PCDHA4: variants seen among roughly 807,000 people sequenced by gnomAD.
The protein encoded by PCDHA4 is protocadherin alpha-4.
PCDHA4 carries 49 observed loss-of-function variants against 61.4 expected under a neutral mutation model. The ratio of observed to expected loss-of-function variants is 0.80; its 90% CI spans 0.63 to 1.01. The LOEUF (loss-of-function observed/expected upper bound fraction) is 1.01. Ranked by LOEUF, PCDHA4 falls within the 50% of genes least tolerant of loss-of-function variation. PCDHA4 has a pLI of 0.00. For synonymous variants in PCDHA4, 590 were observed against 550.3 expected, an observed-to-expected ratio of 1.07 and a Z score of -1.01; for missense variants, 1,254 against 1,235.8, an observed-to-expected ratio of 1.01 and a Z score of -0.22.
At position 140,883,880 on chromosome 5, in the gene PCDHA4, C is replaced by T. The variant is rs782301944; in HGVS notation, c.2385+74308C>T. The stretch of plus-strand genomic sequence containing the variant: ...GCTGTTGCAGTTCCAGGTGAGCGCG[C>T]GCGACTCTGGCGTGCCGCCTCTGGG... On this transcript the variant is annotated intron_variant, in intron 1 of 3. Transcript: ENST00000530339. 20 of 1,613,304 alleles carry T rather than the reference C, an allele frequency of 1.2e-5. No homozygotes were observed. The Middle Eastern group carries it at 6.9e-4, about 56-fold the overall frequency.
At chr5:141,008,367 G>A (rs2098373101) in intron 3 of PCDHA4, among the ~76,000 whole-genome samples, 1 of 152,144 alleles carries the variant, frequency 6.6e-6, no homozygotes, top group African/African-American at 2.4e-5. Flanking sequence ...AAGGAGCAGT[G>A]TTAGATACAT....
intron 1 of PCDHA4, among the ~76,000 whole-genome samples, chr5:140,945,282 T>C (rs1554216856): frequency 6.6e-6 from 1 of 152,062 alleles, no homozygotes; most frequent in African/African-American, 2.4e-5. Context: ...TTTAAAACAT[T>C]GATGAAAGAA....
chr5:140,926,797 T>C (rs2153584735), intron 1 of PCDHA4: 2 of 1,450,476 alleles, frequency 1.4e-6, no homozygotes, highest in Admixed American at 2.7e-5. Flanking sequence ...AGGAGCGTGC[T>C]CTTCCCCGCG....
chr5:140,921,017 T>C (rs2153559418), intron 1 of PCDHA4, among the ~76,000 whole-genome samples: 1 of 152,192 alleles, frequency 6.6e-6, no homozygotes, highest in African/African-American at 2.4e-5. Context: ...TCTTGCTATG[T>C]TTTCTAGACT....
chr5:140,821,896 G>C, intron 1 of PCDHA4: 5 of 1,614,236 alleles, frequency 3.1e-6, no homozygotes, highest in Non-Finnish European at 4.2e-6. Context: ...AGCCAAACAC[G>C]GAACCTTCGT....
At chr5:140,858,581 T>C in intron 1 of PCDHA4, 1 of 1,350,098 alleles carries the variant, frequency 7.4e-7, no homozygotes, top group South Asian at 1.4e-5. Context: ...CTTTGTAATA[T>C]AATTTATTCC....
intron 1 of PCDHA4, among the ~76,000 whole-genome samples, chr5:140,889,560 T>C (rs2062271183): frequency 6.6e-6 from 1 of 152,204 alleles, no homozygotes. Context: ...TCTTCAGAAT[T>C]CTGCTTTCTG....
chr5:140,849,289 A>G, intron 1 of PCDHA4: 1 of 1,220,472 alleles, frequency 8.2e-7, no homozygotes, highest in Non-Finnish European at 1.1e-6. Context: ...ATTCACCCCA[A>G]TGCCTCAGAT....
chr5:140,917,491 C>G (rs2078223929), intron 1 of PCDHA4, among the ~76,000 whole-genome samples: 1 of 152,172 alleles, frequency 6.6e-6, no homozygotes, highest in Non-Finnish European at 1.5e-5. Flanking sequence ...GGGCCTATGC[C>G]CAGAATGATA....
chr5:140,951,583 C>T (rs939168963), intron 1 of PCDHA4, among the ~76,000 whole-genome samples: 3 of 152,034 alleles, frequency 2.0e-5, no homozygotes, highest in Non-Finnish European at 4.4e-5. Flanking sequence ...CCAGATTTCA[C>T]GAGATCTCTC....
At chr5:140,958,192 C>G (rs1554223363) in intron 1 of PCDHA4, among the ~76,000 whole-genome samples, 1 of 151,790 alleles carries the variant, frequency 6.6e-6, no homozygotes, top group Non-Finnish European at 1.5e-5. Context: ...TGTTACTGGT[C>G]TAGTATACAA....
At chr5:140,979,779 G>C (rs778402540) in intron 2 of PCDHA4, among the ~76,000 whole-genome samples, 1 of 152,186 alleles carries the variant, frequency 6.6e-6, no homozygotes, top group Non-Finnish European at 1.5e-5. Flanking sequence ...AAATGGGAAG[G>C]ACCAAGAAAC....
chr5:140,836,427 G>A (rs2150260736), intron 1 of PCDHA4: 1 of 1,613,858 alleles, frequency 6.2e-7, no homozygotes, highest in South Asian at 1.1e-5. Flanking sequence ...GTCGTCGCGG[G>A]CATCGTTGGG....
chr5:140,929,717 A>G (rs1408315390), intron 1 of PCDHA4: 1 of 229,936 alleles, frequency 4.3e-6, no homozygotes, highest in Non-Finnish European at 9.0e-6. Flanking sequence ...ATGGAAGGTG[A>G]AACATTTACT....
At chr5:140,884,329 G>T (rs782258780) in intron 1 of PCDHA4, 1 of 1,613,760 alleles carries the variant, frequency 6.2e-7, no homozygotes, top group Non-Finnish European at 8.5e-7. Flanking sequence ...CAGGCGCTGT[G>T]GGTCCAGAAG....
chr5:140,988,495 G>GT (rs2097300130), intron 3 of PCDHA4, among the ~76,000 whole-genome samples: 1 of 152,158 alleles, frequency 6.6e-6, no homozygotes, highest in Non-Finnish European at 1.5e-5. Context: ...CTACCTAGGA[G>GT]AAGCCATGAA....
chr5:140,871,649 G>A (rs781859029), intron 1 of PCDHA4: 23 of 1,265,706 alleles, frequency 1.8e-5, no homozygotes, highest in Admixed American at 8.7e-5. Flanking sequence ...AATACCAAAT[G>A]ATACACATCT....
chr5:140,943,525 T>C (rs891940980), intron 1 of PCDHA4, among the ~76,000 whole-genome samples: 7 of 152,148 alleles, frequency 4.6e-5, no homozygotes, highest in African/African-American at 7.2e-5. Flanking sequence ...GAGTTCAGTA[T>C]GCAAAATGTC....
Position 140,923,432 on chromosome 5 carries a change from G to A in PCDHA4, c.2386-55517G>A, listed in dbSNP as rs116357562. Among the ~76,000 whole-genome samples, 1,228 of 152,230 alleles carry A rather than the reference G, an allele frequency of 8.1e-3. 6 individuals are homozygous for A. The highest frequency in any genetic ancestry group is 0.019 in the African/African-American group (793 of 41,542). The stretch of plus-strand genomic sequence containing the variant: ...AATCCTGGCTACTTGGGAGGCTGGG[G>A]TGGGAGGATCACCTGAGCCCAGAGA... On this transcript the variant is annotated intron_variant, in intron 1 of 3. Transcript: ENST00000530339.
Sources: allele counts gnomAD v4.1 joint callset (sites outside exome capture counted in the v4.1 genomes callset), GRCh38; gene constraint gnomAD v4.1.1; transcripts MANE v1.5; gene names NCBI Gene and HGNC (gene_info 2026-07-23, HGNC 2026-07-21).